Variants in RSPH6A observed in about 807,000 individuals in gnomAD.
The protein encoded by RSPH6A is radial spoke head 6 homolog A, also known as radial spoke head protein 6 homolog A.
A neutral mutation model predicts 66.1 loss-of-function variants in RSPH6A; 49 were observed. The observed-to-expected ratio is 0.74, with a 90% CI of 0.59 to 0.94. The LOEUF is 0.94. RSPH6A is among the 40% of genes least tolerant of loss of function. The probability of loss-of-function intolerance (pLI) is 0.00; values close to 1 mark genes in which losing one functional copy is unlikely to be tolerated. For synonymous variants in RSPH6A, 419 were observed against 402.4 expected (o/e 1.04, Z -0.49); for missense variants, 977 against 948.3 (o/e 1.03, Z -0.40).
chr19:45,806,740 G>A (rs1238419962), intron 2 of RSPH6A, among the ~76,000 whole-genome samples: 13 of 140,622 alleles, frequency 9.2e-5, no homozygotes, highest in African/African-American at 3.5e-4. Flanking sequence ...TCAGAAGCCA[G>A]AGAAAGAAGA....
Position 45,797,675 on chromosome 19 carries a change from G to A in RSPH6A, c.1917-1569C>T, listed in dbSNP as rs1375860481. Among the ~76,000 whole-genome samples, 3 of 151,728 alleles carry A rather than the reference G, an allele frequency of 2.0e-5. No homozygotes were observed. In the East Asian group the frequency reaches 5.9e-4, roughly 30 times the overall value. On this transcript the variant is annotated intron_variant, in intron 5 of 5. Coordinates refer to ENST00000221538, the MANE Select transcript of RSPH6A (RefSeq NM_030785.4). ...GAGGATCAACTGAGGTCAGGGGCTC[G>A]AGACCACCCTGGTGAAACCACATCT...
intron 1 of RSPH6A, among the ~76,000 whole-genome samples, chr19:45,811,819 C>G (rs1337676634): frequency 6.7e-6 from 1 of 149,894 alleles, no homozygotes; most frequent in East Asian, 1.9e-4. Flanking sequence ...GTTGCCCAGG[C>G]TGGAGTGCAG....
Position 45,802,254 on chromosome 19 carries a change from G to A in RSPH6A, c.1664C>T (p.Thr555Ile), listed in dbSNP as rs1232074080. Residue 555 changes from threonine (T) to isoleucine (I), a missense_variant, in exon 4 of 6, where the codon ACT becomes ATT. Physicochemically the swap from Thr to Ile is moderately conservative, Grantham distance 89 (BLOSUM62 -1). Coordinates refer to ENST00000221538, the MANE Select transcript of RSPH6A (RefSeq NM_030785.4). ...TGTCTTCTGCAAAGGGTTCACCCAAGTGCAGCGGCCCTGGGGGTGGGGGGA... is the reference window on the plus strand; with the variant it reads ...TGTCTTCTGCAAAGGGTTCACCCAAATGCAGCGGCCCTGGGGGTGGGGGGA... Reference protein sequence around the residue: ...TQHILPQGRCTWVNPLQKTEE... With the variant: ...TQHILPQGRCIWVNPLQKTEE... 5 of 1,436,270 alleles carry A rather than the reference G, an allele frequency of 3.5e-6. No individual in the cohort carries two copies. Among genetic ancestry groups the A allele is most frequent in the South Asian group, 1.5e-5 (1 of 64,992 alleles). The allele number at this position is 1,436,270 out of a possible 1,614,324, so 89.0% of individuals were successfully genotyped here.
Position 45,795,809 on chromosome 19 carries a change from C to G in RSPH6A, c.*60G>C. 26 of 1,443,692 alleles carry G rather than the reference C, an allele frequency of 1.8e-5. No homozygotes were observed. Among genetic ancestry groups the G allele is most frequent in the Non-Finnish European group, 2.5e-5 (26 of 1,056,872 alleles). 89.4% of individuals were successfully genotyped at this position (1,443,692 alleles called of 1,614,324 possible). A position where few individuals can be genotyped will look rare whatever the true frequency, so the allele number is the denominator to read the frequency against. On this transcript the variant is annotated 3_prime_UTR_variant, in exon 6 of 6. Transcript: ENST00000221538. ...ATAGTGAAAATATAATCCATGCTAA[C>G]TACCTCTAAGGGGAAATTTGCTATC... is the stretch of plus-strand genomic sequence containing the variant.
In RSPH6A at chr19:45,808,461, C is replaced by T. The variant is rs937780171; in HGVS notation, c.888+2142G>A. 1.0e-4 allele frequency among the ~76,000 whole-genome samples: 15 copies of T among 146,678 alleles called. No homozygotes were observed. The East Asian group carries it at 1.4e-3, about 14-fold the overall frequency. ...AACAAAAATTAGCCAGGCATGGTGG[C>T]GGGCACCTGTAATCCCAGCTACTCG... On this transcript the variant is annotated intron_variant, in intron 2 of 5. Coordinates refer to ENST00000221538, the MANE Select transcript of RSPH6A (RefSeq NM_030785.4).
At chr19:45,806,572 G>A (rs1372549147) in intron 2 of RSPH6A, among the ~76,000 whole-genome samples, 1 of 149,910 alleles carries the variant, frequency 6.7e-6, no homozygotes, top group Non-Finnish European at 1.5e-5. Flanking sequence ...TCGGAAGGCT[G>A]AGGCAGGAGA....
Position 45,804,796 on chromosome 19 carries a change from T to C in RSPH6A, c.1109A>G (p.Glu370Gly), listed in dbSNP as rs956371435. The part of the protein sequence containing the change: ...VEFREGEEEA[E>G]EEEVEEMTEG... ...CGTCATCTCCTCCACCTCCTCCTCC[T>C]CTGCCTCCTCCTCGCCCTCCCGGAA... The change falls in exon 3 of 6, where the codon GAG (glutamate) becomes GGG (glycine). Residue 370 changes from glutamate (E) to glycine (G), a missense_variant. Glu to Gly is a moderately conservative substitution (Grantham distance 98, BLOSUM62 -2). Transcript: ENST00000221538. The surrounding 1 kb of genome is among the most constrained non-coding windows in gnomAD (Gnocchi z 5.8). 8.1e-6 allele frequency: 13 copies of C among 1,613,856 alleles called. No homozygotes were observed. The highest frequency in any genetic ancestry group is 1.1e-5 in the Non-Finnish European group (13 of 1,179,880).
At position 45,800,620 on chromosome 19, in the gene RSPH6A, G is replaced by A. The variant is rs375423587; in HGVS notation, c.1799-57C>T. 6.0e-5 allele frequency: 86 copies of A among 1,429,076 alleles called. No homozygotes were observed. The South Asian group carries it at 1.0e-3, about 17-fold the overall frequency. The allele number at this position is 1,429,076 out of a possible 1,614,324, so 88.5% of individuals were successfully genotyped here. A position where few individuals can be genotyped will look rare whatever the true frequency, so the allele number is the denominator to read the frequency against. ...AGGGTCAGGGAGGCCCCCAGGCCCT[G>A]CACTGCACCCTGAAGGAAGGAAGGC... On this transcript the variant is annotated intron_variant, in intron 4 of 5. Coordinates refer to ENST00000221538, the MANE Select transcript of RSPH6A (RefSeq NM_030785.4).
intron 1 of RSPH6A, 107 bp from the exon 2 acceptor site, chr19:45,810,947 A>C: frequency 1.3e-6 from 1 of 789,346 alleles, no homozygotes; most frequent in Non-Finnish European, 2.0e-6. Context: ...CACAGTAGGG[A>C]ACTGAAAAGG....
At chr19:45,798,764 G>A (rs1163494890) in intron 5 of RSPH6A, among the ~76,000 whole-genome samples, 9 of 149,554 alleles carry the variant, frequency 6.0e-5, no homozygotes, top group African/African-American at 1.2e-4. Context: ...GCATGAACCC[G>A]GGAGGCGGAG....
chr19:45,799,530 T>C (rs962019423), intron 5 of RSPH6A, among the ~76,000 whole-genome samples: 3 of 151,858 alleles, frequency 2.0e-5, no homozygotes, highest in Non-Finnish European at 2.9e-5. Context: ...GCCGGGCTGA[T>C]TTTAAAAATT....
chr19:45,813,908 C>A (rs372320522), intron 1 of RSPH6A, among the ~76,000 whole-genome samples: 14 of 152,188 alleles, frequency 9.2e-5, no homozygotes, highest in East Asian at 3.9e-4. Flanking sequence ...TGCCTGCAAT[C>A]CTAGCACTTT....
At chr19:45,812,156 G>T (rs1185289343) in intron 1 of RSPH6A, among the ~76,000 whole-genome samples, 1 of 151,542 alleles carries the variant, frequency 6.6e-6, no homozygotes, top group Non-Finnish European at 1.5e-5. Context: ...CAGTGGCTCG[G>T]TCTTGGCTCA....
rs774115044 is a variant in RSPH6A, at chr19:45,804,710, C to A, written c.1195G>T (p.Ala399Ser). 2 of 1,612,826 alleles carry A rather than the reference C, an allele frequency of 1.2e-6. No individual in the cohort carries two copies. Among genetic ancestry groups the A allele is most frequent in the Non-Finnish European group, 1.7e-6 (2 of 1,179,946 alleles). ...ACGGACTTAGGGACGATGTCCACGG[C>A]CTTCTCCTCGTCCTCCTCGCCCTCC... ...EEEGEEDEEK[A>S]VDIVPKSVWK... Residue 399 changes from alanine to serine, a missense_variant, in exon 3 of 6, where the codon GCC becomes TCC. By Grantham distance (99) the Ala-to-Ser change is moderately conservative. Coordinates refer to ENST00000221538, the MANE Select transcript of RSPH6A (RefSeq NM_030785.4). The surrounding 1 kb of genome is among the most constrained non-coding windows in gnomAD (Gnocchi z 5.8).
intron 2 of RSPH6A, among the ~76,000 whole-genome samples, chr19:45,806,995 G>C (rs912959323): frequency 6.6e-6 from 1 of 151,202 alleles, no homozygotes; most frequent in Non-Finnish European, 1.5e-5. Flanking sequence ...CTGGGTTCAA[G>C]CCATTCTCCT....
At chr19:45,796,651 T>G (rs1186657379) in intron 5 of RSPH6A, among the ~76,000 whole-genome samples, 1 of 151,924 alleles carries the variant, frequency 6.6e-6, no homozygotes, top group Non-Finnish European at 1.5e-5. Context: ...TAGCTGGGAC[T>G]ACAGGCACAC....
At chr19:45,803,571 G>A (rs1475582354) in intron 3 of RSPH6A, among the ~76,000 whole-genome samples, 1 of 152,030 alleles carries the variant, frequency 6.6e-6, no homozygotes, top group Non-Finnish European at 1.5e-5. Flanking sequence ...AGCTACTTGG[G>A]AGGCTGAGGT....
chr19:45,814,408 TAG>T (rs779073990), intron 1 of RSPH6A, 117 bp downstream of exon 1: 20 of 902,446 alleles, frequency 2.2e-5, no homozygotes, highest in African/African-American at 3.4e-5. Context: ...TCAGCTGAAT[TAG>T]AGTCACTGGT....
intron 5 of RSPH6A, among the ~76,000 whole-genome samples, chr19:45,798,516 GGT>G (rs1970432161): frequency 6.8e-6 from 1 of 147,956 alleles, no homozygotes; most frequent in Non-Finnish European, 1.5e-5. Context: ...CTCCAGCCTG[GGT>G]GACAGAGAGA....
Sources: gnomAD v4.1 joint callset for allele counts (sites outside exome capture counted in the v4.1 genomes callset) on GRCh38, gnomAD v4.1.1 for gene constraint, Gnocchi (gnomAD v3.1) non-coding constraint, MANE v1.5 for transcripts, NCBI Gene and HGNC (gene_info 2026-07-23, HGNC 2026-07-21) for gene names.